ERBB4: variants seen among roughly 807,000 people sequenced by gnomAD.
ERBB4 encodes the protein erb-b2 receptor tyrosine kinase 4.
A neutral mutation model predicts 158.0 loss-of-function variants in ERBB4; 42 were observed. That is an observed-to-expected ratio of 0.27 (90% CI 0.21 to 0.34). ERBB4 has a LOEUF of 0.34. ERBB4 is among the 10% of genes least tolerant of loss of function. ERBB4 has a pLI of 1.00. For missense variants in ERBB4, 1,333 were observed against 1,624.1 expected, an observed-to-expected ratio of 0.82 and a Z score of 3.08; for synonymous variants, 583 against 558.7, an observed-to-expected ratio of 1.04 and a Z score of -0.61.
At chr2:211,670,239 T>G (rs1285852520) in intron 14 of ERBB4, among the ~76,000 whole-genome samples, 1 of 152,124 alleles carries the variant, frequency 6.6e-6, no homozygotes, top group Non-Finnish European at 1.5e-5. Context: ...AAACCTAATA[T>G]GAATCATTAA....
intron 7 of ERBB4, among the ~76,000 whole-genome samples, chr2:211,722,134 T>C (rs1013580741): frequency 6.6e-6 from 1 of 152,198 alleles, no homozygotes; most frequent in African/African-American, 2.4e-5. Flanking sequence ...GTGCTGGCAT[T>C]ACAGGTGTGA....
chr2:211,718,701 C>G (rs1477905031), intron 7 of ERBB4, among the ~76,000 whole-genome samples: 2 of 151,590 alleles, frequency 1.3e-5, no homozygotes, highest in East Asian at 1.9e-4. Flanking sequence ...TATTCTTACA[C>G]TTATTCACAC....
rs1298525556 is a variant in ERBB4, at chr2:211,428,712, CATTTTTTATTTTATTT to C, written c.2644-245_2644-230del. ...AATCTAAAGATGTACTATACTTATTCATTTTTTATTTTATTTATTTTTTGAGACAGGGTCTCACTCT... is the reference window on the plus strand; with the variant it reads ...AATCTAAAGATGTACTATACTTATTCATTTTTTGAGACAGGGTCTCACTCT... On this transcript the variant is annotated intron_variant, in intron 21 of 27. Transcript: ENST00000342788. Among the ~76,000 whole-genome samples the C allele has an allele frequency of 1.1e-4, 17 of 151,908 alleles. 1 individual carries two copies. The highest frequency in any genetic ancestry group is 9.8e-4 in the Admixed American group (15 of 15,238).
chr2:211,964,881 C>T (rs1011167230), intron 2 of ERBB4, among the ~76,000 whole-genome samples: 1 of 152,142 alleles, frequency 6.6e-6, no homozygotes, highest in Admixed American at 6.6e-5. Context: ...ACTCTTAGAA[C>T]ATTACTTTTA....
intron 5 of ERBB4, among the ~76,000 whole-genome samples, chr2:211,744,149 C>T (rs1162460349): frequency 6.6e-6 from 1 of 151,850 alleles, no homozygotes; most frequent in Admixed American, 6.6e-5. Context: ...TTAAAAAAAA[C>T]AGCTACTAGT....
intron 2 of ERBB4, among the ~76,000 whole-genome samples, chr2:211,987,277 T>C (rs2081961417): frequency 1.5e-5 from 2 of 132,830 alleles, no homozygotes; most frequent in Non-Finnish European, 3.0e-5. Flanking sequence ...GCCGAGATCG[T>C]GCCACTATAC....
chr2:212,190,848 T>C (rs754774763), intron 1 of ERBB4, among the ~76,000 whole-genome samples: 1 of 152,176 alleles, frequency 6.6e-6, no homozygotes, highest in African/African-American at 2.4e-5. Flanking sequence ...ATTAATAAAC[T>C]AAATCTAGTT....
intron 4 of ERBB4, among the ~76,000 whole-genome samples, chr2:211,773,157 C>T: frequency 6.6e-6 from 1 of 150,476 alleles, no homozygotes. Flanking sequence ...GTGCCTAGCC[C>T]AGCTGTGACA....
rs368328351 is a variant in ERBB4 at position 211,428,389 on chromosome 2, G to C, written c.2719+19C>G. Reference sequence around the variant, plus strand: ...ATTTTTGCTTTACAAGCTTTAATTCGCAAAGAAGATTTATTTACCATAGCT... The same window carrying C: ...ATTTTTGCTTTACAAGCTTTAATTCCCAAAGAAGATTTATTTACCATAGCT... On this transcript the variant is annotated intron_variant, in intron 22 of 27. Transcript: ENST00000342788. 6.9e-7 allele frequency: 1 copy of C among 1,443,218 alleles called. No individual in the cohort carries two copies. The highest frequency in any genetic ancestry group is 1.8e-4 in the Middle Eastern group (1 of 5,678). The allele number at this position is 1,443,218 out of a possible 1,614,324, so 89.4% of individuals were successfully genotyped here. A position where few individuals can be genotyped will look rare whatever the true frequency, so the allele number is the denominator to read the frequency against.
At chr2:212,452,008 G>A (rs939742141) in intron 1 of ERBB4, among the ~76,000 whole-genome samples, 22 of 146,008 alleles carry the variant, frequency 1.5e-4, no homozygotes, top group Non-Finnish European at 2.4e-4. Context: ...TGAGTGTGCA[G>A]GTTTTTTTTT....
At chr2:212,481,400 C>T (rs555436264) in intron 1 of ERBB4, among the ~76,000 whole-genome samples, 6 of 152,222 alleles carry the variant, frequency 3.9e-5, no homozygotes, top group African/African-American at 1.4e-4. Context: ...AGGATAAATT[C>T]TAAACAGAAA....
chr2:212,418,595 T>A lies in ERBB4; in HGVS notation c.82+119854A>T, dbSNP rs576894101. Reference sequence around the variant, plus strand: ...AATAAAATGCTTTAGTTCCCTTGAATCATAAGAACCATTATAAAAACAAAA... The same window carrying A: ...AATAAAATGCTTTAGTTCCCTTGAAACATAAGAACCATTATAAAAACAAAA... On this transcript the variant is annotated intron_variant, in intron 1 of 27. Coordinates refer to ENST00000342788, the MANE Select transcript of ERBB4 (RefSeq NM_005235.3). Among the ~76,000 whole-genome samples the A allele has an allele frequency of 2.8e-3, 431 of 151,370 alleles. 4 individuals carry two copies. Among genetic ancestry groups the A allele is most frequent in the African/African-American group, 9.8e-3 (407 of 41,466 alleles).
chr2:211,753,039 T>C (rs943211534), intron 4 of ERBB4, among the ~76,000 whole-genome samples: 1 of 152,230 alleles, frequency 6.6e-6, no homozygotes. Flanking sequence ...TCTGTCCTAG[T>C]ACTCAGTTCA....
chr2:211,919,274 G>T (rs1368390447), intron 3 of ERBB4, among the ~76,000 whole-genome samples: 6 of 151,968 alleles, frequency 3.9e-5, no homozygotes, highest in East Asian at 1.9e-4. Flanking sequence ...TGGGGAAAAA[G>T]GTTAAATTTG....
In ERBB4 at chr2:211,637,057, A is replaced by G. The variant is rs554347173; in HGVS notation, c.1947-6463T>C. Among the ~76,000 whole-genome samples the G allele has an allele frequency of 3.9e-5, 6 of 152,072 alleles. No individual in the cohort carries two copies. The East Asian group carries it at 1.2e-3, about 29-fold the overall frequency. On this transcript the variant is annotated intron_variant, in intron 16 of 27. Coordinates refer to ENST00000342788, the MANE Select transcript of ERBB4 (RefSeq NM_005235.3). ...TCACAAACTAGGGTCAAATGTTACA[A>G]TTCTCTATAAAGTTATATTTCATTT... is the stretch of plus-strand genomic sequence containing the variant.
At position 212,253,679 on chromosome 2, in the gene ERBB4, G is replaced by C. The variant is rs570625915; in HGVS notation, c.83-128776C>G. ...CTCTGTTCTTGGCATTTGTGCAGAG[G>C]TTGAGATAAATTAATCATTTCATGC... On this transcript the variant is annotated intron_variant, in intron 1 of 27. Coordinates refer to ENST00000342788, the MANE Select transcript of ERBB4 (RefSeq NM_005235.3). Among the ~76,000 whole-genome samples the C allele has an allele frequency of 1.4e-4, 22 of 152,284 alleles. No individual in the cohort carries two copies. The East Asian group carries it at 2.1e-3, about 15-fold the overall frequency.
At chr2:211,530,695 T>G (rs1260621630) in intron 20 of ERBB4, among the ~76,000 whole-genome samples, 1 of 152,056 alleles carries the variant, frequency 6.6e-6, no homozygotes, top group African/African-American at 2.4e-5. Flanking sequence ...TGAGACCAGC[T>G]TAGGCAACAT....
intron 5 of ERBB4, among the ~76,000 whole-genome samples, chr2:211,741,452 T>TACACACACAC (rs5838279): frequency 0.11 from 15,609 of 143,150 alleles, 889 homozygotes; most frequent in Non-Finnish European, 0.12. Flanking sequence ...TATGTAGTTA[T>TACACACACAC]ACACACACAC....
intron 1 of ERBB4, among the ~76,000 whole-genome samples, chr2:212,186,217 G>T (rs146722660): frequency 6.6e-6 from 1 of 151,968 alleles, no homozygotes; most frequent in African/African-American, 2.4e-5. Context: ...GGCAAACTTC[G>T]CCTAAATCAT....
Sources: gnomAD v4.1 joint callset for allele counts (sites outside exome capture counted in the v4.1 genomes callset) on GRCh38, gnomAD v4.1.1 for gene constraint, MANE v1.5 for transcripts, NCBI Gene and HGNC (gene_info 2026-07-23, HGNC 2026-07-21) for gene names.